The following MSRA variants were observed in gnomAD, a reference collection of about 807,000 sequenced individuals.
The protein encoded by MSRA is methionine sulfoxide reductase A.
MSRA carries 54 observed loss-of-function variants against 31.3 expected under a neutral mutation model. That is an observed-to-expected ratio of 1.73 (90% CI 1.39 to 2.17). The LOEUF (loss-of-function observed/expected upper bound fraction) is 2.17. Among genes scored for constraint, MSRA ranks in the 30% most tolerant of loss-of-function variants. MSRA has a pLI of 0.00. For missense variants in MSRA, 507 were observed against 300.9 expected (o/e 1.69, Z -5.07); for synonymous variants, 169 against 116.5 (o/e 1.45, Z -2.90).
At chr8:10,250,338 GC>G in intron 3 of MSRA, 1 of 684,152 alleles carries the variant, frequency 1.5e-6, no homozygotes, top group Non-Finnish European at 2.7e-6. Context: ...CAGTGCATTA[GC>G]CTAATATACA....
intron 2 of MSRA, among the ~76,000 whole-genome samples, chr8:10,208,208 C>T (rs1440519343): frequency 2.7e-5 from 4 of 150,026 alleles, no homozygotes; most frequent in Admixed American, 1.3e-4. Flanking sequence ...TTTGCTAGCA[C>T]GGATTTTTTT....
At chr8:10,350,896 G>C (rs183026858) in intron 5 of MSRA, among the ~76,000 whole-genome samples, 8 of 152,362 alleles carry the variant, frequency 5.3e-5, no homozygotes, top group African/African-American at 1.9e-4. Context: ...GAAGTGGCAA[G>C]TCCAAGGCCG....
intron 1 of MSRA, among the ~76,000 whole-genome samples, chr8:10,181,561 A>G (rs1311769654): frequency 1.3e-5 from 2 of 152,244 alleles, no homozygotes; most frequent in South Asian, 4.1e-4. Flanking sequence ...ATGGACAACC[A>G]CAGGAAACAT....
intron 3 of MSRA, among the ~76,000 whole-genome samples, chr8:10,282,827 C>G (rs7845839): frequency 0.011 from 1,607 of 152,216 alleles, 17 homozygotes; most frequent in African/African-American, 0.037. Context: ...ATTCAGAATT[C>G]TCCATCAAAA....
chr8:10,057,598 G>A (rs954653092), intron 1 of MSRA, among the ~76,000 whole-genome samples: 2 of 152,278 alleles, frequency 1.3e-5, no homozygotes, highest in East Asian at 1.9e-4. Context: ...CCTGTTGGAG[G>A]AGGGGCCTGG....
intron 1 of MSRA, among the ~76,000 whole-genome samples, chr8:10,057,959 A>G (rs1336451055): frequency 6.6e-6 from 1 of 152,232 alleles, no homozygotes; most frequent in African/African-American, 2.4e-5. Flanking sequence ...CGTATTGGAA[A>G]CATTGCTAAT....
intron 1 of MSRA, among the ~76,000 whole-genome samples, chr8:10,081,227 G>T (rs1038612853): frequency 1.3e-5 from 2 of 152,268 alleles, no homozygotes; most frequent in Middle Eastern, 6.8e-3. Context: ...CACGTGGAGG[G>T]GCCTGCTCTG....
chr8:10,400,744 G>A (rs545575044), intron 5 of MSRA, among the ~76,000 whole-genome samples: 1 of 152,312 alleles, frequency 6.6e-6, no homozygotes, highest in East Asian at 1.9e-4. Context: ...AGAGTGCCAA[G>A]CCATTCAGTG....
chr8:10,260,475 G>C (rs1585301121), intron 3 of MSRA, among the ~76,000 whole-genome samples: 1 of 152,198 alleles, frequency 6.6e-6, no homozygotes, highest in Non-Finnish European at 1.5e-5. Context: ...ACACAAGCGA[G>C]GCAGCACGCA....
At chr8:10,177,552 G>T (rs950132044) in intron 1 of MSRA, among the ~76,000 whole-genome samples, 1 of 152,094 alleles carries the variant, frequency 6.6e-6, no homozygotes, top group African/African-American at 2.4e-5. Context: ...TACCCTGATG[G>T]CTATAGAAGT....
At chr8:10,059,492 T>G (rs1362771858) in intron 1 of MSRA, among the ~76,000 whole-genome samples, 1 of 152,222 alleles carries the variant, frequency 6.6e-6, no homozygotes, top group Non-Finnish European at 1.5e-5. Context: ...TATACTCTTT[T>G]TCCATTTAGG....
At chr8:10,383,423 T>C (rs75348238) in intron 5 of MSRA, among the ~76,000 whole-genome samples, 4,933 of 152,308 alleles carry the variant, frequency 0.032, 136 homozygotes, top group Non-Finnish European at 0.052. Context: ...TTTTGTGGCC[T>C]ATTCTAACTC....
intron 1 of MSRA, among the ~76,000 whole-genome samples, chr8:10,086,292 G>C (rs1210600797): frequency 6.6e-6 from 1 of 152,156 alleles, no homozygotes; most frequent in African/African-American, 2.4e-5. Flanking sequence ...GTTGGATGCT[G>C]GTGCTACCAT....
chr8:10,065,122 G>A (rs892487075), intron 1 of MSRA, among the ~76,000 whole-genome samples: 1 of 152,006 alleles, frequency 6.6e-6, no homozygotes, highest in African/African-American at 2.4e-5. Flanking sequence ...AGGGACTTCT[G>A]CTGGTCCCTG....
chr8:10,241,165 G>T (rs1016624202), intron 2 of MSRA, among the ~76,000 whole-genome samples: 2 of 152,142 alleles, frequency 1.3e-5, no homozygotes, highest in African/African-American at 2.4e-5. Flanking sequence ...GCACTGTGCA[G>T]TGTGCTTCAT....
At chr8:10,159,893 T>A (rs147260334) in intron 1 of MSRA, among the ~76,000 whole-genome samples, 1 of 152,224 alleles carries the variant, frequency 6.6e-6, no homozygotes. Context: ...AATTTTGGAT[T>A]ATTAATTCTT....
chr8:10,291,317 C>T (rs186924549), intron 3 of MSRA, among the ~76,000 whole-genome samples: 184 of 152,170 alleles, frequency 1.2e-3, no homozygotes, highest in African/African-American at 4.3e-3. Flanking sequence ...AAAAAATTCA[C>T]AATTGCTCCA....
intron 1 of MSRA, among the ~76,000 whole-genome samples, chr8:10,164,322 C>T (rs1284106409): frequency 6.6e-6 from 1 of 152,160 alleles, no homozygotes; most frequent in African/African-American, 2.4e-5. Flanking sequence ...TGAAAAATCC[C>T]TCCGAGGGCT....
At chr8:10,289,927 A>G (rs1056322409) in intron 3 of MSRA, among the ~76,000 whole-genome samples, 1 of 152,202 alleles carries the variant, frequency 6.6e-6, no homozygotes, top group African/African-American at 2.4e-5. Context: ...TGGAGTTATA[A>G]GATTTGATTA....
Sources: gnomAD v4.1 joint callset for allele counts (sites outside exome capture counted in the v4.1 genomes callset) on GRCh38, gnomAD v4.1.1 for gene constraint, MANE v1.5 for transcripts, NCBI Gene and HGNC (gene_info 2026-07-23, HGNC 2026-07-21) for gene names.